Variants in MIGA1 observed in about 807,000 individuals in gnomAD.
MIGA1 encodes family with sequence similarity 73, member A.
A neutral mutation model predicts 82.0 loss-of-function variants in MIGA1; 58 were observed. The observed-to-expected ratio is 0.71, with a 90% CI of 0.57 to 0.88. MIGA1 has a LOEUF of 0.88. MIGA1 is among the 40% of genes least tolerant of loss of function. The pLI is 0.00. For missense variants in MIGA1, 751 were observed against 749.1 expected, an observed-to-expected ratio of 1.00 and a Z score of -0.03; for synonymous variants, 249 against 253.6, an observed-to-expected ratio of 0.98 and a Z score of 0.17.
At chr1:77,815,300 C>CAT (rs2101804548) in intron 7 of MIGA1, 69 bp downstream of exon 7, 1 of 1,271,184 alleles carries the variant, frequency 7.9e-7, no homozygotes, top group African/African-American at 1.5e-5. Context: ...GAATCATCTG[C>CAT]ATAAGTGTCT....
At chr1:77,841,707 A>G (rs1206883988) in intron 7 of MIGA1, among the ~76,000 whole-genome samples, 1 of 146,500 alleles carries the variant, frequency 6.8e-6, no homozygotes, top group Non-Finnish European at 1.5e-5. Flanking sequence ...GAAAATTTGG[A>G]TGAATCAAAG....
chr1:77,873,248 T>G, intron 15 of MIGA1, 128 bp downstream of exon 15: 1 of 911,424 alleles, frequency 1.1e-6, no homozygotes, highest in Non-Finnish European at 1.6e-6. Context: ...AAAAGTCACC[T>G]AAATTCAGCA....
At chr1:77,783,631 T>C (rs138493618) in intron 2 of MIGA1, among the ~76,000 whole-genome samples, 9 of 152,344 alleles carry the variant, frequency 5.9e-5, no homozygotes, top group Admixed American at 1.3e-4. Flanking sequence ...GTTATTCCAG[T>C]AGGCCTGTTC....
chr1:77,855,590 T>C (rs1407753044), intron 8 of MIGA1, among the ~76,000 whole-genome samples: 5 of 152,170 alleles, frequency 3.3e-5, no homozygotes, highest in Admixed American at 6.5e-5. Flanking sequence ...GTAGTTTTCC[T>C]TGTAGAGGTC....
At chr1:77,800,069 G>T (rs901477845) in intron 2 of MIGA1, among the ~76,000 whole-genome samples, 7 of 151,962 alleles carry the variant, frequency 4.6e-5, no homozygotes, top group African/African-American at 1.7e-4. Context: ...ACAGTTTAAG[G>T]CTTTTGTTCT....
At chr1:77,833,648 A>G (rs997040269) in intron 7 of MIGA1, among the ~76,000 whole-genome samples, 4 of 152,158 alleles carry the variant, frequency 2.6e-5, no homozygotes, top group African/African-American at 9.7e-5. Flanking sequence ...TCCTTCAGGA[A>G]GATGCAGGTC....
chr1:77,835,280 G>A (rs1241935911), intron 7 of MIGA1, among the ~76,000 whole-genome samples: 1 of 152,112 alleles, frequency 6.6e-6, no homozygotes, highest in Non-Finnish European at 1.5e-5. Flanking sequence ...CAGATTTTTG[G>A]CCTAGAATAT....
Position 77,788,009 on chromosome 1 carries a change from C to A in MIGA1, c.195+4658C>A, listed in dbSNP as rs538804839. The stretch of plus-strand genomic sequence containing the variant: ...TTTTGTATTTTTTCTTTTTTTTAGA[C>A]AGAGTCTCGCTTCTTCACCCAGGTT... On this transcript the variant is annotated intron_variant, in intron 2 of 15. Transcript: ENST00000370791. 4.0e-5 allele frequency among the ~76,000 whole-genome samples: 6 copies of A among 151,058 alleles called. No homozygotes were observed. The South Asian group carries it at 1.3e-3, about 32-fold the overall frequency.
At chr1:77,783,094 A>C in intron 1 of MIGA1, 144 bp from the exon 2 acceptor site, 1 of 493,260 alleles carries the variant, frequency 2.0e-6, no homozygotes, top group South Asian at 7.7e-5. Flanking sequence ...TGATTAATAA[A>C]TATAATTTTA....
intron 8 of MIGA1, among the ~76,000 whole-genome samples, chr1:77,850,932 C>T (rs762912471): frequency 2.0e-5 from 3 of 151,946 alleles, no homozygotes; most frequent in Non-Finnish European, 4.4e-5. Context: ...TGCAATGGCA[C>T]GATCTTGCCT....
chr1:77,787,810 TTTC>T (rs1682235367), intron 2 of MIGA1, among the ~76,000 whole-genome samples: 1 of 151,780 alleles, frequency 6.6e-6, no homozygotes, highest in African/African-American at 2.4e-5. Flanking sequence ...GTGAATTACT[TTTC>T]TTTTCTTTTT....
rs996295796 is a variant in MIGA1 at position 77,808,650 on chromosome 1, C to G, written c.637+1549C>G. 3.9e-5 allele frequency among the ~76,000 whole-genome samples: 6 copies of G among 152,246 alleles called. No individual in the cohort carries two copies. In the East Asian group the frequency reaches 1.2e-3, roughly 29 times the overall value. Reference sequence around the variant, plus strand: ...GAATCAGAAGATTCAAATGCTTTTCCCTGTTCTCTGTTCTGTTTCAGGCTA... The same window carrying G: ...GAATCAGAAGATTCAAATGCTTTTCGCTGTTCTCTGTTCTGTTTCAGGCTA... On this transcript the variant is annotated intron_variant, in intron 5 of 15. Coordinates refer to ENST00000370791, the MANE Select transcript of MIGA1 (RefSeq NM_198549.4).
intron 14 of MIGA1, among the ~76,000 whole-genome samples, chr1:77,869,391 T>A (rs28706477): frequency 6.7e-6 from 1 of 149,590 alleles, no homozygotes; most frequent in Non-Finnish European, 1.5e-5. Context: ...TTTTCCCCAC[T>A]CTTCCTGCCT....
At chr1:77,789,803 A>C (rs1424019728) in intron 2 of MIGA1, among the ~76,000 whole-genome samples, 1 of 151,784 alleles carries the variant, frequency 6.6e-6, no homozygotes, top group Non-Finnish European at 1.5e-5. Flanking sequence ...TTCCTGCTCC[A>C]TACCTAGAAT....
intron 7 of MIGA1, among the ~76,000 whole-genome samples, chr1:77,836,048 A>G (rs1684412224): frequency 6.6e-6 from 1 of 152,230 alleles, no homozygotes; most frequent in African/African-American, 2.4e-5. Context: ...GAGTAAGTAT[A>G]TGATAGGCTC....
At chr1:77,843,249 G>T in intron 7 of MIGA1, 58 bp from the exon 8 acceptor site, 1 of 1,252,186 alleles carries the variant, frequency 8.0e-7, no homozygotes, top group South Asian at 1.3e-5. Flanking sequence ...TATGGAATGT[G>T]AAATACCACA....
chr1:77,794,475 T>C (rs1359203812), intron 2 of MIGA1, among the ~76,000 whole-genome samples: 1 of 152,186 alleles, frequency 6.6e-6, no homozygotes, highest in African/African-American at 2.4e-5. Context: ...GTTGAGTGTG[T>C]CTTATGTTTT....
chr1:77,829,497 C>T (rs185131056), intron 7 of MIGA1, among the ~76,000 whole-genome samples: 2 of 152,218 alleles, frequency 1.3e-5, no homozygotes, highest in East Asian at 3.9e-4. Context: ...GAGACAGAGT[C>T]TCGTTCTGTC....
At chr1:77,861,605 G>A (rs147338464) in intron 12 of MIGA1, 17 of 341,282 alleles carry the variant, frequency 5.0e-5, no homozygotes, top group African/African-American at 3.2e-4. Flanking sequence ...AAAGTCATTG[G>A]CAGGCCCCTA....
Sources: allele counts gnomAD v4.1 joint callset (sites outside exome capture counted in the v4.1 genomes callset), GRCh38; gene constraint gnomAD v4.1.1; transcripts MANE v1.5; gene names NCBI Gene and HGNC (gene_info 2026-07-23, HGNC 2026-07-21).